The following AGBL1 variants were observed in gnomAD, a reference collection of about 807,000 sequenced individuals.
The protein encoded by AGBL1 is AGBL carboxypeptidase 1.
A neutral mutation model predicts 118.9 loss-of-function variants in AGBL1; 130 were observed. The observed-to-expected ratio is 1.09, with a 90% CI of 0.95 to 1.26. AGBL1 has a LOEUF of 1.26. Ranked by LOEUF, AGBL1 falls within the 50% of genes most tolerant of loss-of-function variation. The pLI, the probability that AGBL1 is intolerant of heterozygous loss-of-function variation, is 0.00. For synonymous variants in AGBL1, 555 were observed against 478.9 expected, an observed-to-expected ratio of 1.16 and a Z score of -2.08; for missense variants, 1,584 against 1,298.1, an observed-to-expected ratio of 1.22 and a Z score of -3.38.
At chr15:86,794,745 C>T (rs1216294824) in intron 22 of AGBL1, among the ~76,000 whole-genome samples, 2 of 152,106 alleles carry the variant, frequency 1.3e-5, no homozygotes, top group African/African-American at 2.4e-5. Flanking sequence ...TAGATATATA[C>T]CTCATGACTA....
rs546345377 is a variant in AGBL1, at chr15:86,657,342, G to A, written c.2995-16931G>A. Among the ~76,000 whole-genome samples the A allele has an allele frequency of 1.2e-3, 177 of 152,292 alleles. 1 individual carries two copies. Among genetic ancestry groups the A allele is most frequent in the African/African-American group, 4.1e-3 (172 of 41,570 alleles). ...TTGACACAAGCTTTCCTCACTTCATGAGAGTTTCTGATTAGTATTCAGAAA... is the reference window on the plus strand; with the variant it reads ...TTGACACAAGCTTTCCTCACTTCATAAGAGTTTCTGATTAGTATTCAGAAA... On this transcript the variant is annotated intron_variant, in intron 21 of 22. Transcript: ENST00000614907.
At chr15:86,753,025 C>T (rs888787159) in intron 22 of AGBL1, among the ~76,000 whole-genome samples, 3 of 152,094 alleles carry the variant, frequency 2.0e-5, no homozygotes, top group Non-Finnish European at 4.4e-5. Flanking sequence ...GTTTATAAGA[C>T]GCTGTCCTAT....
At chr15:86,441,651 G>T (rs1194468839) in intron 18 of AGBL1, among the ~76,000 whole-genome samples, 1 of 152,204 alleles carries the variant, frequency 6.6e-6, no homozygotes, top group East Asian at 1.9e-4. Context: ...TGGACAGGGG[G>T]CATTGTATCC....
At chr15:86,282,420 G>A (rs1382882823) in intron 16 of AGBL1, among the ~76,000 whole-genome samples, 2 of 152,202 alleles carry the variant, frequency 1.3e-5, no homozygotes, top group Admixed American at 6.5e-5. Flanking sequence ...CCTACTGACT[G>A]TGAATGTCTT....
intron 6 of AGBL1, among the ~76,000 whole-genome samples, 175 bp downstream of exon 6, chr15:86,225,126 G>T (rs1045853714): frequency 6.6e-6 from 1 of 151,684 alleles, no homozygotes; most frequent in African/African-American, 2.4e-5. Context: ...GGGTCTTTGG[G>T]GGTAAGATAG....
chr15:86,172,867 T>C (rs1247906146), intron 5 of AGBL1, among the ~76,000 whole-genome samples: 3 of 152,194 alleles, frequency 2.0e-5, no homozygotes, highest in Admixed American at 6.5e-5. Context: ...AAATATTCAA[T>C]AGCGTGATTA....
At chr15:86,606,949 C>T (rs2084585598) in intron 21 of AGBL1, among the ~76,000 whole-genome samples, 1 of 151,910 alleles carries the variant, frequency 6.6e-6, no homozygotes, top group South Asian at 2.1e-4. Context: ...CTTAAAGATC[C>T]CCTGTGCTTC....
At chr15:86,214,790 C>T (rs1474754151) in intron 5 of AGBL1, among the ~76,000 whole-genome samples, 1 of 152,192 alleles carries the variant, frequency 6.6e-6, no homozygotes, top group African/African-American at 2.4e-5. Context: ...CAGAATGGGG[C>T]CCTCCCAGCC....
chr15:86,827,727 C>A (rs1263448318), intron 22 of AGBL1, among the ~76,000 whole-genome samples: 3 of 145,988 alleles, frequency 2.1e-5, no homozygotes, highest in Non-Finnish European at 4.5e-5. Context: ...ACTCTGAGAC[C>A]ACTACCACCA....
intron 22 of AGBL1, among the ~76,000 whole-genome samples, chr15:86,684,037 T>C (rs922019965): frequency 3.3e-5 from 5 of 152,096 alleles, no homozygotes; most frequent in African/African-American, 1.2e-4. Context: ...ATCTACCAGA[T>C]GTGCTAGAGG....
chr15:86,471,230 A>G (rs959252057), intron 18 of AGBL1, among the ~76,000 whole-genome samples: 9 of 152,142 alleles, frequency 5.9e-5, no homozygotes, highest in Admixed American at 3.3e-4. Flanking sequence ...TCTACATCTA[A>G]TTGGTTGACT....
intron 21 of AGBL1, among the ~76,000 whole-genome samples, chr15:86,577,923 C>G (rs2084116834): frequency 6.6e-6 from 1 of 152,200 alleles, no homozygotes; most frequent in South Asian, 2.1e-4. Flanking sequence ...AGGGGCAGGG[C>G]TCTCATGGAA....
intron 5 of AGBL1, 93 bp from the exon 6 acceptor site, chr15:86,224,821 A>G: frequency 6.6e-6 from 8 of 1,204,196 alleles, no homozygotes; most frequent in Middle Eastern, 1.9e-4. Context: ...TGGGTCTGTT[A>G]TGGGGTGGCA....
At chr15:86,844,379 T>C (rs2079289238) in intron 22 of AGBL1, among the ~76,000 whole-genome samples, 1 of 152,204 alleles carries the variant, frequency 6.6e-6, no homozygotes, top group Non-Finnish European at 1.5e-5. Context: ...ACAATTGTCA[T>C]TGTCTATCTT....
intron 23 of AGBL1, among the ~76,000 whole-genome samples, chr15:86,981,387 A>G (rs1221027785): frequency 6.6e-6 from 1 of 152,214 alleles, no homozygotes; most frequent in Non-Finnish European, 1.5e-5. Flanking sequence ...ATTGTTTTTC[A>G]AACTTTGCCT....
chr15:86,556,395 A>C lies in AGBL1; in HGVS notation c.2994+1858A>C. On this transcript the variant is annotated intron_variant, in intron 21 of 22. Transcript: ENST00000614907. ...CTAGAGAAAGCCCTAACAGTGCCAG[A>C]CCTGGTTTTGGTTTAAGAATCCCAT... 3 of 932,882 alleles carry C rather than the reference A, an allele frequency of 3.2e-6. No homozygotes were observed. The Admixed American group carries it at 6.7e-5, about 21-fold the overall frequency. The allele number at this position is 932,882 out of a possible 1,614,324, so 57.8% of individuals were successfully genotyped here.
chr15:86,572,147 GGCAGGCAGTGGGA>G (rs1038947058), intron 21 of AGBL1, among the ~76,000 whole-genome samples: 4 of 152,206 alleles, frequency 2.6e-5, no homozygotes, highest in African/African-American at 7.2e-5. Context: ...GCGGGGAGAA[GGCAGGCAGTGGGA>G]GCAGGCACTT....
At chr15:86,424,693 T>C (rs895222648) in intron 18 of AGBL1, among the ~76,000 whole-genome samples, 1 of 151,836 alleles carries the variant, frequency 6.6e-6, no homozygotes, top group African/African-American at 2.4e-5. Context: ...AATTTACAAT[T>C]GAAAAAACCA....
downstream of AGBL1, among the ~76,000 whole-genome samples, chr15:86,917,747 G>T (rs1411624388): frequency 1.3e-5 from 2 of 150,748 alleles, no homozygotes; most frequent in African/African-American, 2.4e-5. This position sits in a 1 kb window ranked among gnomAD's most constrained non-coding sequence, Gnocchi z 4.8. Flanking sequence ...AAGATTCGGG[G>T]AGTGGGGCCA....
Sources: allele counts gnomAD v4.1 joint callset (sites outside exome capture counted in the v4.1 genomes callset), GRCh38; gene constraint gnomAD v4.1.1; non-coding constraint Gnocchi (gnomAD v3.1); transcripts MANE v1.5; gene names NCBI Gene and HGNC (gene_info 2026-07-23, HGNC 2026-07-21).